FAM135B: variants seen among roughly 807,000 people sequenced by gnomAD.
FAM135B encodes family with sequence similarity 135 member B, also known as protein FAM135B.
FAM135B carries 43 observed loss-of-function variants against 127.7 expected under a neutral mutation model. That is an observed-to-expected ratio of 0.34 (90% CI 0.26 to 0.43). FAM135B has a LOEUF of 0.43. Ranked by LOEUF, FAM135B falls within the 20% of genes least tolerant of loss-of-function variation. The pLI is 1.00. For missense variants in FAM135B, 1,558 were observed against 1,725.6 expected (o/e 0.90, Z 1.72); for synonymous variants, 670 against 665.1 (o/e 1.01, Z -0.11).
chr8:138,467,214 T>C lies in FAM135B; in HGVS notation c.-20+29457A>G, dbSNP rs537543114. ...CTGCATGCTATCTTATACCAATTGCTGCTCAGTCTAACCACAGGGTTCACC... is the reference window on the plus strand; with the variant it reads ...CTGCATGCTATCTTATACCAATTGCCGCTCAGTCTAACCACAGGGTTCACC... On this transcript the variant is annotated intron_variant, in intron 1 of 19. Coordinates refer to ENST00000395297, the MANE Select transcript of FAM135B (RefSeq NM_015912.4). 2.0e-4 allele frequency among the ~76,000 whole-genome samples: 30 copies of C among 152,306 alleles called. No individual in the cohort carries two copies. In the South Asian group the frequency reaches 5.4e-3, roughly 27 times the overall value.
chr8:138,211,896 C>T (rs992717856), intron 7 of FAM135B, among the ~76,000 whole-genome samples: 8 of 151,958 alleles, frequency 5.3e-5, no homozygotes, highest in African/African-American at 1.9e-4. Flanking sequence ...GGTGAAACCT[C>T]GTCTCTACTA....
intron 4 of FAM135B, among the ~76,000 whole-genome samples, chr8:138,260,768 G>T (rs1243558514): frequency 6.6e-6 from 1 of 152,056 alleles, no homozygotes; most frequent in Non-Finnish European, 1.5e-5. Flanking sequence ...AGCAGCAACT[G>T]CCTGTATGCC....
intron 1 of FAM135B, among the ~76,000 whole-genome samples, chr8:138,379,880 G>A (rs1045228888): frequency 6.6e-6 from 1 of 152,230 alleles, no homozygotes; most frequent in Non-Finnish European, 1.5e-5. Context: ...CAGATGCCAA[G>A]TCTGCCCCAG....
intron 1 of FAM135B, among the ~76,000 whole-genome samples, chr8:138,391,926 G>C (rs552576454): frequency 2.0e-5 from 3 of 152,252 alleles, no homozygotes; most frequent in Admixed American, 1.3e-4. Context: ...TCATCACTAG[G>C]CCATCTGGTC....
At chr8:138,431,737 G>A (rs200025489) in intron 1 of FAM135B, among the ~76,000 whole-genome samples, 382 of 152,276 alleles carry the variant, frequency 2.5e-3, no homozygotes, top group African/African-American at 8.8e-3. Context: ...CTGCTGTCAC[G>A]TGGGACTCAG....
chr8:138,395,104 G>C (rs1832780947), intron 1 of FAM135B, among the ~76,000 whole-genome samples: 1 of 152,142 alleles, frequency 6.6e-6, no homozygotes. Flanking sequence ...TAATGCCTTT[G>C]CCTTTCTCCA....
chr8:138,454,861 C>T (rs1207093137), intron 1 of FAM135B, among the ~76,000 whole-genome samples: 4 of 152,188 alleles, frequency 2.6e-5, no homozygotes, highest in Admixed American at 2.0e-4. Context: ...GCAGAATCCA[C>T]GAAAACAAGA....
chr8:138,321,135 C>T (rs946874782), intron 2 of FAM135B, among the ~76,000 whole-genome samples: 6 of 152,292 alleles, frequency 3.9e-5, no homozygotes, highest in South Asian at 4.2e-4. Context: ...TCTCTTTCCT[C>T]ATGGGCGAGG....
chr8:138,151,645 C>T lies in FAM135B; in HGVS notation c.2830G>A (p.Asp944Asn), dbSNP rs770752193. 2.5e-6 allele frequency: 4 copies of T among 1,614,190 alleles called. No individual in the cohort carries two copies. The South Asian group carries it at 4.4e-5, about 18-fold the overall frequency. Residue 944 changes from aspartate to asparagine, a missense_variant, in exon 13 of 20, where the codon GAT becomes AAT. By Grantham distance (23) the Asp-to-Asn change is conservative. Around this residue, in one of 5 missense-constraint regions of FAM135B, gnomAD observed 923 missense variants for 865.3 expected, o/e 1.07. Coordinates refer to ENST00000395297, the MANE Select transcript of FAM135B (RefSeq NM_015912.4). ...CCTGTTGAGTTCCTGTTGATGGCATCAGCAGCTGACGTACAGCTCAATTCA... is the reference window on the plus strand; with the variant it reads ...CCTGTTGAGTTCCTGTTGATGGCATTAGCAGCTGACGTACAGCTCAATTCA... ...VPELSCTSAA[D>N]AINRNSTGQQ...
At chr8:138,354,858 G>A (rs1381010339) in intron 2 of FAM135B, among the ~76,000 whole-genome samples, 1 of 152,060 alleles carries the variant, frequency 6.6e-6, no homozygotes, top group African/African-American at 2.4e-5. Flanking sequence ...TGAGCCAAAG[G>A]GGACTCTTTT....
chr8:138,403,120 G>T (rs1833244582), intron 1 of FAM135B, among the ~76,000 whole-genome samples: 1 of 152,096 alleles, frequency 6.6e-6, no homozygotes, highest in African/African-American at 2.4e-5. Context: ...TCCTGTCTAT[G>T]GTATTTGTTA....
intron 1 of FAM135B, among the ~76,000 whole-genome samples, chr8:138,371,317 A>G (rs1339642223): frequency 6.6e-6 from 1 of 152,190 alleles, no homozygotes; most frequent in East Asian, 1.9e-4. Context: ...CAATAGACCC[A>G]TGACACATAC....
At chr8:138,397,162 C>T (rs567900741) in intron 1 of FAM135B, among the ~76,000 whole-genome samples, 6 of 152,306 alleles carry the variant, frequency 3.9e-5, no homozygotes, top group East Asian at 1.9e-4. Flanking sequence ...TGTGAGCCTA[C>T]GGAAGGCTGG....
chr8:138,263,323 G>A (rs2130608187), intron 4 of FAM135B, among the ~76,000 whole-genome samples: 1 of 152,200 alleles, frequency 6.6e-6, no homozygotes, highest in South Asian at 2.1e-4. Context: ...CCAGGACCCT[G>A]CAGGGAAGGA....
At chr8:138,204,997 A>G (rs554771525) in intron 7 of FAM135B, among the ~76,000 whole-genome samples, 3 of 152,284 alleles carry the variant, frequency 2.0e-5, no homozygotes, top group South Asian at 4.1e-4. Flanking sequence ...TGTTCATGAT[A>G]TGTCTGCTGT....
At chr8:138,334,833 G>A (rs1358355281) in intron 2 of FAM135B, among the ~76,000 whole-genome samples, 6 of 151,976 alleles carry the variant, frequency 3.9e-5, no homozygotes, top group African/African-American at 1.5e-4. Flanking sequence ...TTGCTATTGC[G>A]AATAGTGCTG....
chr8:138,308,750 C>T (rs1022200), intron 3 of FAM135B, among the ~76,000 whole-genome samples: 1 of 152,078 alleles, frequency 6.6e-6, no homozygotes, highest in African/African-American at 2.4e-5. Context: ...TCACAGCTGG[C>T]GCCTGCCAGC....
intron 1 of FAM135B, among the ~76,000 whole-genome samples, chr8:138,370,685 C>T (rs541624990): frequency 3.3e-5 from 5 of 152,204 alleles, no homozygotes; most frequent in South Asian, 4.2e-4. Flanking sequence ...CTCCTGACCT[C>T]GTGATCTGCC....
intron 3 of FAM135B, among the ~76,000 whole-genome samples, chr8:138,281,458 C>A (rs1473146188): frequency 6.1e-5 from 3 of 49,418 alleles, no homozygotes; most frequent in African/African-American, 2.0e-4. Flanking sequence ...GTCCCCTTAG[C>A]ATCAGTTTAA....
Sources: allele counts gnomAD v4.1 joint callset (sites outside exome capture counted in the v4.1 genomes callset), GRCh38; gene constraint gnomAD v4.1.1; regional missense constraint gnomAD v4.1.1; transcripts MANE v1.5; gene names NCBI Gene and HGNC (gene_info 2026-07-23, HGNC 2026-07-21).